DOK5: variants seen among roughly 807,000 people sequenced by gnomAD.
DOK5 encodes the protein downstream of tyrosine kinase 5.
Under a neutral mutation model 43.3 loss-of-function variants are expected in DOK5, and 27 were observed. That is an observed-to-expected ratio of 0.62 (90% CI 0.46 to 0.86). The LOEUF (loss-of-function observed/expected upper bound fraction) is 0.86, where lower values mean the gene tolerates loss of function less well. DOK5 is among the 40% of genes least tolerant of loss of function. The probability of loss-of-function intolerance (pLI) is 0.00; values close to 1 mark genes in which losing one functional copy is unlikely to be tolerated. For synonymous variants in DOK5, 146 were observed against 140.1 expected (o/e 1.04, Z -0.30); for missense variants, 373 against 392.9 (o/e 0.95, Z 0.43).
At chr20:54,583,550 A>G in intron 2 of DOK5, among the ~76,000 whole-genome samples, 1 of 152,034 alleles carries the variant, frequency 6.6e-6, no homozygotes, top group East Asian at 1.9e-4. Flanking sequence ...TTTACTTCAT[A>G]TATTTGGTTG....
intron 1 of DOK5, among the ~76,000 whole-genome samples, chr20:54,549,566 C>T (rs910281401): frequency 3.9e-5 from 6 of 151,994 alleles, no homozygotes; most frequent in Admixed American, 1.3e-4. Flanking sequence ...GACTTAATAC[C>T]GATGGGTCAA....
intron 6 of DOK5, among the ~76,000 whole-genome samples, chr20:54,622,494 G>A (rs1052794805): frequency 2.0e-5 from 3 of 152,186 alleles, no homozygotes; most frequent in African/African-American, 7.2e-5. Context: ...AGCTTACACA[G>A]CTCCTCCCTG....
intron 1 of DOK5, among the ~76,000 whole-genome samples, chr20:54,512,027 C>G (rs548880940): frequency 6.6e-6 from 1 of 152,216 alleles, no homozygotes; most frequent in Non-Finnish European, 1.5e-5. Flanking sequence ...CTGTGTCTAC[C>G]TTATACACAC....
rs776434349 is a variant in DOK5, at chr20:54,588,452, G to GT, written c.175-30dup. 235 of 1,576,144 alleles carry GT rather than the reference G, an allele frequency of 1.5e-4. 3 individuals carry two copies. In the South Asian group the frequency reaches 2.5e-3, roughly 17 times the overall value. On this transcript the variant is annotated intron_variant, in intron 2 of 7. Transcript: ENST00000262593. ...TATACTGGAGACATTCATTCAGGGA[G>GT]TGTGTCAAACTTCTAATTGTTCATT... is the stretch of plus-strand genomic sequence containing the variant.
intron 7 of DOK5, among the ~76,000 whole-genome samples, chr20:54,648,871 C>G (rs895198351): frequency 2.0e-5 from 3 of 152,204 alleles, no homozygotes; most frequent in Non-Finnish European, 4.4e-5. Context: ...CTCTAACTCT[C>G]TCACCTCCTT....
At chr20:54,607,889 AACAAAACAAAAC>A (rs1428648612) in intron 5 of DOK5, among the ~76,000 whole-genome samples, 1 of 116,430 alleles carries the variant, frequency 8.6e-6, no homozygotes, top group Non-Finnish European at 1.6e-5. Flanking sequence ...TCTAAAACAA[AACAAAACAAAAC>A]AAAACAAAAC....
chr20:54,519,034 C>A (rs1028200112), intron 1 of DOK5, among the ~76,000 whole-genome samples: 1 of 152,056 alleles, frequency 6.6e-6, no homozygotes, highest in Admixed American at 6.6e-5. Context: ...GAATGGCGAT[C>A]ATTAAAAAGT....
At chr20:54,598,801 A>C (rs1363338996) in intron 5 of DOK5, among the ~76,000 whole-genome samples, 1 of 152,220 alleles carries the variant, frequency 6.6e-6, no homozygotes, top group African/African-American at 2.4e-5. Context: ...CCTTAAATGG[A>C]GTTCACAAGC....
At chr20:54,533,377 C>T (rs1199677001) in intron 1 of DOK5, among the ~76,000 whole-genome samples, 2 of 152,134 alleles carry the variant, frequency 1.3e-5, no homozygotes, top group Non-Finnish European at 2.9e-5. Flanking sequence ...TGTGTCATTG[C>T]TATATGGATT....
chr20:54,623,585 T>G (rs1987052199), intron 6 of DOK5, among the ~76,000 whole-genome samples: 1 of 152,120 alleles, frequency 6.6e-6, no homozygotes, highest in Admixed American at 6.6e-5. Context: ...TTTATTTTTA[T>G]TTTTATTTTT....
At chr20:54,521,213 T>A (rs1983382896) in intron 1 of DOK5, among the ~76,000 whole-genome samples, 1 of 152,100 alleles carries the variant, frequency 6.6e-6, no homozygotes, top group Non-Finnish European at 1.5e-5. Flanking sequence ...ACTTCTGACA[T>A]CACATTTGCT....
At chr20:54,525,939 A>G (rs1333456146) in intron 1 of DOK5, among the ~76,000 whole-genome samples, 3 of 152,156 alleles carry the variant, frequency 2.0e-5, no homozygotes, top group Non-Finnish European at 2.9e-5. Flanking sequence ...ACACAAATAG[A>G]CTTTTTGTTT....
At chr20:54,489,290 G>T (rs1043849621) in intron 1 of DOK5, among the ~76,000 whole-genome samples, 13 of 152,148 alleles carry the variant, frequency 8.5e-5, no homozygotes, top group Non-Finnish European at 1.5e-4. Context: ...ATACACCAAA[G>T]AGTAGAGTTT....
At chr20:54,525,856 C>T (rs1035551170) in intron 1 of DOK5, among the ~76,000 whole-genome samples, 2 of 152,162 alleles carry the variant, frequency 1.3e-5, no homozygotes, top group African/African-American at 4.8e-5. Context: ...GTATTCAGGC[C>T]TTCTAATGCT....
chr20:54,643,472 G>A lies in DOK5; in HGVS notation c.750G>A (p.Met250Ile). ...TTTGGCTGCAGCTCCAGATGAAGATGAGTGAGCGGGCCGCCTCGCTGAGCA... is the reference window on the plus strand; with the variant it reads ...TTTGGCTGCAGCTCCAGATGAAGATAAGTGAGCGGGCCGCCTCGCTGAGCA... The part of the protein sequence containing the change: ...SVKNSMLQMK[M>I]SERAASLSTM... The change falls in exon 7 of 8, where the codon ATG becomes ATA. Residue 250 changes from methionine to isoleucine, a missense_variant. Physicochemically the swap from Met to Ile is conservative, Grantham distance 10 (BLOSUM62 1). Transcript: ENST00000262593. 5 of 1,613,610 alleles carry A rather than the reference G, an allele frequency of 3.1e-6. No homozygotes were observed. Among genetic ancestry groups the A allele is most frequent in the Non-Finnish European group, 4.2e-6 (5 of 1,180,038 alleles).
intron 1 of DOK5, among the ~76,000 whole-genome samples, chr20:54,524,512 C>T (rs1439671631): frequency 6.6e-6 from 1 of 152,158 alleles, no homozygotes; most frequent in African/African-American, 2.4e-5. Context: ...CTGAAACAGC[C>T]TATTGTATGC....
At chr20:54,576,344 A>C (rs1242289337) in intron 2 of DOK5, among the ~76,000 whole-genome samples, 7 of 152,170 alleles carry the variant, frequency 4.6e-5, no homozygotes, top group African/African-American at 1.4e-4. Flanking sequence ...AGAAGCCAAA[A>C]CTTCTTATAT....
chr20:54,483,904 A>G (rs373815014), intron 1 of DOK5, among the ~76,000 whole-genome samples: 3 of 152,224 alleles, frequency 2.0e-5, no homozygotes, highest in African/African-American at 7.2e-5. Context: ...CCTGGATCCC[A>G]GAGAACAAAA....
intron 1 of DOK5, chr20:54,476,309 G>A (rs1981423030): frequency 1.2e-6 from 1 of 825,356 alleles, no homozygotes; most frequent in African/African-American, 1.8e-5. Flanking sequence ...AGCCATGGAA[G>A]TTGGAGCTGA....
Sources: allele counts gnomAD v4.1 joint callset (sites outside exome capture counted in the v4.1 genomes callset), GRCh38; gene constraint gnomAD v4.1.1; transcripts MANE v1.5; gene names NCBI Gene and HGNC (gene_info 2026-07-23, HGNC 2026-07-21).